Variants in VPS41 observed in about 807,000 individuals in gnomAD.
VPS41 encodes the protein VPS41 subunit of HOPS complex.
In VPS41, 85 loss-of-function variants were observed where a neutral mutation model predicts 130.9. The observed-to-expected ratio is 0.65, with a 90% CI of 0.55 to 0.78. The LOEUF (loss-of-function observed/expected upper bound fraction) is 0.78. Ranked by LOEUF, VPS41 falls within the 30% of genes least tolerant of loss-of-function variation. The pLI is 0.00. For missense variants in VPS41, 874 were observed against 1,018.7 expected, an observed-to-expected ratio of 0.86 and a Z score of 1.93; for synonymous variants, 335 against 332.9, an observed-to-expected ratio of 1.01 and a Z score of -0.07.
rs577010744 is a variant in VPS41 at position 38,853,126 on chromosome 7, TAAG to T, written c.246+9416_246+9418del. Among the ~76,000 whole-genome samples, 75 of 152,200 alleles carry T rather than the reference TAAG, an allele frequency of 4.9e-4. No homozygotes were observed. The East Asian group carries it at 0.012, about 25-fold the overall frequency. On this transcript the variant is annotated intron_variant, in intron 4 of 28. Transcript: ENST00000310301. The stretch of plus-strand genomic sequence containing the variant: ...CACCCTTTGGTGATTCCCTGTTTCA[TAAG>T]AAGAATGTGGCCGGGTGCGGTGGCT...
chr7:38,726,278 G>T lies in VPS41; in HGVS notation c.2533C>A (p.Pro845Thr). 6.2e-7 allele frequency: 1 copy of T among 1,613,950 alleles called. No individual in the cohort carries two copies. Among genetic ancestry groups the T allele is most frequent in the South Asian group, 1.1e-5 (1 of 91,046 alleles). ...TTCATCTCCAAAATTGCACTTCCTG[G>T]TCCACGGTTCTTAGCACTGCAGATG... The part of the protein sequence containing the change: ...CNICSAKNRG[P>T]GSAILEMKK The change falls in exon 29 of 29, where the codon CCA (proline) becomes ACA (threonine). Residue 845 changes from proline (P) to threonine (T), a missense_variant. Coordinates refer to ENST00000310301, the MANE Select transcript of VPS41 (RefSeq NM_014396.4).
At chr7:38,867,539 C>T (rs2116332211) in intron 3 of VPS41, among the ~76,000 whole-genome samples, 1 of 150,568 alleles carries the variant, frequency 6.6e-6, no homozygotes, top group African/African-American at 2.4e-5. Context: ...GAGTGAGACT[C>T]CATCTCAAAA....
At chr7:38,812,786 A>C (rs572051499) in intron 7 of VPS41, among the ~76,000 whole-genome samples, 1 of 152,298 alleles carries the variant, frequency 6.6e-6, no homozygotes, top group African/African-American at 2.4e-5. Context: ...ACAGGAAAAC[A>C]TGGTCAACAT....
intron 25 of VPS41, among the ~76,000 whole-genome samples, chr7:38,739,684 A>T (rs1451634192): frequency 2.0e-5 from 3 of 152,188 alleles, no homozygotes; most frequent in Non-Finnish European, 4.4e-5. Context: ...CTCCAGATGC[A>T]GCAGCTTCCA....
chr7:38,897,398 CA>C (rs1464579852), intron 2 of VPS41, among the ~76,000 whole-genome samples: 1 of 152,008 alleles, frequency 6.6e-6, no homozygotes, highest in East Asian at 1.9e-4. Flanking sequence ...GTAATCCCAG[CA>C]CTTTGGGAGG....
intron 2 of VPS41, among the ~76,000 whole-genome samples, chr7:38,887,339 C>T (rs181280731): frequency 6.6e-6 from 1 of 152,216 alleles, no homozygotes; most frequent in East Asian, 1.9e-4. Context: ...CTTAAATGAC[C>T]TAATGGAGCT....
intron 4 of VPS41, among the ~76,000 whole-genome samples, chr7:38,844,059 A>T (rs1785671715): frequency 6.6e-6 from 1 of 152,270 alleles, no homozygotes; most frequent in African/African-American, 2.4e-5. Context: ...TTTAAGTTAC[A>T]TAGTAGCTAA....
At chr7:38,879,726 T>C (rs540183111) in intron 2 of VPS41, among the ~76,000 whole-genome samples, 1 of 152,176 alleles carries the variant, frequency 6.6e-6, no homozygotes, top group Admixed American at 6.5e-5. Context: ...CATGCTTGTA[T>C]GAGAATCTAA....
At chr7:38,752,412 G>GT in intron 21 of VPS41, 99 bp from the exon 22 acceptor site, 1 of 1,429,896 alleles carries the variant, frequency 7.0e-7, no homozygotes, top group Non-Finnish European at 9.5e-7. Context: ...CCATGGACAG[G>GT]TTGGGGGAGA....
chr7:38,778,195 A>C (rs1276729782), intron 10 of VPS41, among the ~76,000 whole-genome samples: 1 of 152,256 alleles, frequency 6.6e-6, no homozygotes, highest in Non-Finnish European at 1.5e-5. Context: ...TGCCAGGAAC[A>C]CATTTTTTCC....
At chr7:38,866,411 T>C (rs1471093141) in intron 3 of VPS41, among the ~76,000 whole-genome samples, 1 of 152,200 alleles carries the variant, frequency 6.6e-6, no homozygotes, top group Non-Finnish European at 1.5e-5. Flanking sequence ...GATAAGAGCC[T>C]AAGCCAGAGC....
chr7:38,845,316 C>A (rs1385731289), intron 4 of VPS41, among the ~76,000 whole-genome samples: 5 of 152,274 alleles, frequency 3.3e-5, no homozygotes, highest in East Asian at 3.9e-4. Flanking sequence ...TGCCAGAGAC[C>A]GTGCTGGATA....
At chr7:38,848,479 T>C (rs912350003) in intron 4 of VPS41, among the ~76,000 whole-genome samples, 1 of 151,924 alleles carries the variant, frequency 6.6e-6, no homozygotes, top group African/African-American at 2.4e-5. Flanking sequence ...AAGCCAAACA[T>C]ATGAATAAAT....
chr7:38,867,232 A>G (rs1172969375), intron 3 of VPS41, among the ~76,000 whole-genome samples: 1 of 152,184 alleles, frequency 6.6e-6, no homozygotes, highest in Non-Finnish European at 1.5e-5. Context: ...AGAACAAAAG[A>G]TTCATGAATA....
chr7:38,757,875 A>G (rs1783833179), intron 18 of VPS41, among the ~76,000 whole-genome samples: 1 of 152,156 alleles, frequency 6.6e-6, no homozygotes, highest in Admixed American at 6.5e-5. Context: ...TGCCCAAGAA[A>G]TATGAAAAAT....
intron 2 of VPS41, among the ~76,000 whole-genome samples, chr7:38,897,559 G>A (rs1356605951): frequency 2.0e-5 from 3 of 151,302 alleles, no homozygotes; most frequent in Non-Finnish European, 4.4e-5. Context: ...GCAGGAGAAT[G>A]GTGTGAACCT....
chr7:38,735,763 C>T (rs951586902), intron 25 of VPS41, among the ~76,000 whole-genome samples: 4 of 152,220 alleles, frequency 2.6e-5, no homozygotes, highest in African/African-American at 4.8e-5. Context: ...AAGTATATGG[C>T]ACTTTGAAAA....
chr7:38,786,198 T>C (rs1332654167), intron 10 of VPS41, among the ~76,000 whole-genome samples: 1 of 152,322 alleles, frequency 6.6e-6, no homozygotes, highest in Admixed American at 6.5e-5. Context: ...TAGGCACACC[T>C]AAGTGCAAAA....
At chr7:38,734,405 T>C (rs866665512) in intron 25 of VPS41, among the ~76,000 whole-genome samples, 3 of 152,244 alleles carry the variant, frequency 2.0e-5, no homozygotes, top group African/African-American at 7.2e-5. Flanking sequence ...CTTTTCGTCA[T>C]TTTGAAGTCA....
Sources: allele counts gnomAD v4.1 joint callset (sites outside exome capture counted in the v4.1 genomes callset), GRCh38; gene constraint gnomAD v4.1.1; transcripts MANE v1.5; gene names NCBI Gene and HGNC (gene_info 2026-07-23, HGNC 2026-07-21).